The following TGFA variants were observed in gnomAD, a reference collection of about 807,000 sequenced individuals.
The protein encoded by TGFA is transforming growth factor alpha.
In TGFA, 12 loss-of-function variants were observed where a neutral mutation model predicts 21.7. The ratio of observed to expected loss-of-function variants is 0.55; its 90% CI spans 0.35 to 0.90. The LOEUF (loss-of-function observed/expected upper bound fraction) is 0.90. Ranked by LOEUF, TGFA falls within the 40% of genes least tolerant of loss-of-function variation. The pLI is 0.01. For missense variants in TGFA, 178 were observed against 210.8 expected (o/e 0.84, Z 0.96); for synonymous variants, 79 against 88.1 (o/e 0.90, Z 0.58).
intron 1 of TGFA, among the ~76,000 whole-genome samples, chr2:70,521,620 T>TTG (rs1553502305): frequency 2.1e-4 from 26 of 126,242 alleles, no homozygotes; most frequent in Non-Finnish European, 3.9e-4. Flanking sequence ...TTTGTTTGTT[T>TTG]TTTTTTTTTT....
chr2:70,509,546 C>T (rs1393701806), intron 2 of TGFA, among the ~76,000 whole-genome samples: 1 of 152,196 alleles, frequency 6.6e-6, no homozygotes, highest in Non-Finnish European at 1.5e-5. Flanking sequence ...CTTTCATCCT[C>T]ACCTCTGAGA....
intron 5 of TGFA, among the ~76,000 whole-genome samples, chr2:70,452,241 T>C (rs1553489751): frequency 2.6e-5 from 4 of 152,146 alleles, no homozygotes; most frequent in African/African-American, 4.8e-5. Flanking sequence ...AACTTTACGA[T>C]GGGCTCTCTT....
intron 5 of TGFA, chr2:70,451,709 G>GA: frequency 1.5e-6 from 1 of 687,348 alleles, no homozygotes; most frequent in South Asian, 1.5e-5. Context: ...GGTGCTAAAA[G>GA]AAAAAATAAA....
intron 2 of TGFA, among the ~76,000 whole-genome samples, chr2:70,496,126 C>G (rs1553498307): frequency 6.6e-6 from 1 of 152,120 alleles, no homozygotes; most frequent in Admixed American, 6.6e-5. Context: ...CCTGAAGGCC[C>G]CGAGACTGGG....
intron 2 of TGFA, among the ~76,000 whole-genome samples, chr2:70,478,607 C>T (rs1553494890): frequency 6.6e-6 from 1 of 152,124 alleles, no homozygotes; most frequent in Non-Finnish European, 1.5e-5. Flanking sequence ...CAATGTGTTA[C>T]ACATCAAACA....
At chr2:70,512,747 G>A (rs1463771660) in intron 2 of TGFA, among the ~76,000 whole-genome samples, 1 of 152,202 alleles carries the variant, frequency 6.6e-6, no homozygotes, top group Non-Finnish European at 1.5e-5. Flanking sequence ...GCTCCAGGGC[G>A]ACATCCCTTA....
chr2:70,473,972 A>G (rs896290198), intron 2 of TGFA, among the ~76,000 whole-genome samples: 4 of 152,158 alleles, frequency 2.6e-5, no homozygotes, highest in Admixed American at 2.6e-4. Context: ...TTCACAATTT[A>G]CTGAGAGAAC....
chr2:70,498,052 C>T (rs1302627471), intron 2 of TGFA, among the ~76,000 whole-genome samples: 3 of 152,228 alleles, frequency 2.0e-5, no homozygotes, highest in African/African-American at 7.2e-5. Flanking sequence ...GGTACAATTT[C>T]CAGTTTACAT....
At chr2:70,553,091 G>A in intron 1 of TGFA, 1 of 1,353,556 alleles carries the variant, frequency 7.4e-7, no homozygotes, top group South Asian at 1.3e-5. Flanking sequence ...TCGGTCTAGG[G>A]TTTCGCTCCT....
intron 2 of TGFA, among the ~76,000 whole-genome samples, chr2:70,509,819 G>C (rs1164065582): frequency 6.6e-6 from 1 of 152,184 alleles, no homozygotes. Flanking sequence ...TGGGAACTGT[G>C]CAACATTTCT....
intron 2 of TGFA, among the ~76,000 whole-genome samples, chr2:70,499,426 C>T (rs1239158714): frequency 6.6e-6 from 1 of 152,156 alleles, no homozygotes; most frequent in Admixed American, 6.5e-5. Context: ...ACAGAGTGAC[C>T]GAGAGTTAAA....
Position 70,502,796 on chromosome 2 carries a change from T to C in TGFA, c.94+12063A>G, listed in dbSNP as rs1671777805. ...TGTTATTGCTTTCTGTCTTTGTAAA[T>C]CTAAATGAAAAGAATTATAACAAAT... On this transcript the variant is annotated intron_variant, in intron 2 of 5. Coordinates refer to ENST00000295400, the MANE Select transcript of TGFA (RefSeq NM_003236.4). 3.3e-5 allele frequency among the ~76,000 whole-genome samples: 5 copies of C among 152,356 alleles called. No individual in the cohort carries two copies. In the South Asian group the frequency reaches 1.0e-3, roughly 32 times the overall value.
chr2:70,536,982 TTTTCTTTTTC>T (rs1240073070), intron 1 of TGFA, among the ~76,000 whole-genome samples: 1 of 127,754 alleles, frequency 7.8e-6, no homozygotes, highest in East Asian at 2.6e-4. Flanking sequence ...TTGTTTTCTT[TTTTCTTTTTC>T]TTTTTCTTTT....
At chr2:70,484,436 A>AT (rs1195660407) in intron 2 of TGFA, among the ~76,000 whole-genome samples, 1 of 151,948 alleles carries the variant, frequency 6.6e-6, no homozygotes, top group African/African-American at 2.4e-5. Flanking sequence ...TATCCCGATT[A>AT]TTTTTTCTTG....
chr2:70,475,897 G>T (rs534990147), intron 2 of TGFA, among the ~76,000 whole-genome samples: 1 of 151,828 alleles, frequency 6.6e-6, no homozygotes, highest in South Asian at 2.1e-4. Flanking sequence ...GACTCCACAA[G>T]CAGCCTGCCA....
Position 70,465,553 on chromosome 2 carries a change from T to C in TGFA, c.215+63A>G, listed in dbSNP as rs76608766. 3.1e-6 allele frequency: 5 copies of C among 1,600,566 alleles called. No individual in the cohort carries two copies. The East Asian group carries it at 9.0e-5, about 29-fold the overall frequency. On this transcript the variant is annotated intron_variant, in intron 3 of 5. Coordinates refer to ENST00000295400, the MANE Select transcript of TGFA (RefSeq NM_003236.4). ...TGGCAAGTCTTATGGAGGTAAATGC[T>C]CTTCTAATTGGATATTGGACTGACC...
intron 2 of TGFA, among the ~76,000 whole-genome samples, chr2:70,480,581 T>G (rs536177023): frequency 3.3e-5 from 5 of 152,266 alleles, no homozygotes; most frequent in Admixed American, 2.6e-4. Context: ...TATGGACGTT[T>G]TCTACATTAT....
intron 2 of TGFA, among the ~76,000 whole-genome samples, chr2:70,472,700 C>T (rs1440515530): frequency 2.0e-5 from 3 of 152,332 alleles, no homozygotes; most frequent in African/African-American, 7.2e-5. Context: ...TTAAAAGCAG[C>T]CCTAATTGGA....
At chr2:70,511,452 T>C (rs1553500913) in intron 2 of TGFA, among the ~76,000 whole-genome samples, 1 of 152,196 alleles carries the variant, frequency 6.6e-6, no homozygotes, top group African/African-American at 2.4e-5. Flanking sequence ...GAATACATTT[T>C]ATGAAAACAG....
Sources: allele counts gnomAD v4.1 joint callset (sites outside exome capture counted in the v4.1 genomes callset), GRCh38; gene constraint gnomAD v4.1.1; transcripts MANE v1.5; gene names NCBI Gene and HGNC (gene_info 2026-07-23, HGNC 2026-07-21).